The following EPHA6 variants were observed in gnomAD, a reference collection of about 807,000 sequenced individuals.
EPHA6 encodes ephrin type-A receptor 6.
In EPHA6, 50 loss-of-function variants were observed where a neutral mutation model predicts 112.0. That is an observed-to-expected ratio of 0.45 (90% CI 0.36 to 0.56). The LOEUF (loss-of-function observed/expected upper bound fraction) is 0.56. Among genes scored for constraint, EPHA6 ranks in the 20% least tolerant of loss-of-function variants. The pLI, the probability that EPHA6 is intolerant of heterozygous loss-of-function variation, is 0.00. For synonymous variants in EPHA6, 529 were observed against 490.7 expected, an observed-to-expected ratio of 1.08 and a Z score of -1.03; for missense variants, 1,280 against 1,417.4, an observed-to-expected ratio of 0.90 and a Z score of 1.56.
intron 5 of EPHA6, among the ~76,000 whole-genome samples, chr3:97,382,013 ATATT>A (rs1258666392): frequency 6.6e-6 from 1 of 152,084 alleles, no homozygotes; most frequent in African/African-American, 2.4e-5. Flanking sequence ...AACAAAGGTA[ATATT>A]TATTTACAAA....
chr3:97,123,153 TG>T (rs1192477160), intron 3 of EPHA6, among the ~76,000 whole-genome samples: 5 of 152,236 alleles, frequency 3.3e-5, no homozygotes, highest in African/African-American at 1.2e-4. Flanking sequence ...ACAATATTTT[TG>T]TCAGTTTAAA....
At chr3:97,005,418 G>A (rs2043840311) in intron 3 of EPHA6, among the ~76,000 whole-genome samples, 1 of 152,076 alleles carries the variant, frequency 6.6e-6, no homozygotes, top group South Asian at 2.1e-4. Flanking sequence ...CTCTCCGCTT[G>A]CCTATTGTTG....
intron 5 of EPHA6, among the ~76,000 whole-genome samples, chr3:97,333,278 A>G (rs1050703367): frequency 3.3e-5 from 5 of 152,000 alleles, no homozygotes; most frequent in Admixed American, 3.3e-4. Flanking sequence ...TATTGTTAGT[A>G]TGTAAATATG....
chr3:97,440,205 C>T (rs190888456), intron 6 of EPHA6, among the ~76,000 whole-genome samples: 1 of 152,184 alleles, frequency 6.6e-6, no homozygotes, highest in East Asian at 1.9e-4. Context: ...TTTAAGATGT[C>T]TAATTTCCTT....
At chr3:97,032,720 A>C (rs150608916) in intron 3 of EPHA6, among the ~76,000 whole-genome samples, 312 of 152,096 alleles carry the variant, frequency 2.1e-3, no homozygotes, top group Non-Finnish European at 3.2e-3. Flanking sequence ...GTACCACCCA[A>C]GGAGTTTACA....
At chr3:97,327,418 T>C (rs574023985) in intron 5 of EPHA6, among the ~76,000 whole-genome samples, 1 of 152,140 alleles carries the variant, frequency 6.6e-6, no homozygotes, top group South Asian at 2.1e-4. Context: ...AACCAGGACA[T>C]TGACATTGAT....
At chr3:97,419,762 C>G (rs1415922048) in intron 6 of EPHA6, among the ~76,000 whole-genome samples, 2 of 151,868 alleles carry the variant, frequency 1.3e-5, no homozygotes, top group Non-Finnish European at 2.9e-5. Flanking sequence ...AGAAAATCAA[C>G]AAAACCAAAA....
chr3:97,679,588 A>T (rs969488963), intron 14 of EPHA6, among the ~76,000 whole-genome samples: 1 of 152,206 alleles, frequency 6.6e-6, no homozygotes, highest in Non-Finnish European at 1.5e-5. Flanking sequence ...TGTTTAATTC[A>T]GTCCCTAGTC....
chr3:97,231,199 G>A (rs1464550543), intron 4 of EPHA6, among the ~76,000 whole-genome samples: 2 of 152,098 alleles, frequency 1.3e-5, no homozygotes, highest in East Asian at 3.9e-4. Context: ...GATCCAAAGA[G>A]AGAACCCCCA....
chr3:96,883,819 C>T (rs1243337945), intron 2 of EPHA6, among the ~76,000 whole-genome samples: 2 of 152,080 alleles, frequency 1.3e-5, no homozygotes, highest in Non-Finnish European at 2.9e-5. Flanking sequence ...AGGTACCCGC[C>T]ACCACACCTG....
intron 7 of EPHA6, among the ~76,000 whole-genome samples, chr3:97,463,141 T>G (rs147413781): frequency 1.3e-5 from 2 of 152,316 alleles, no homozygotes; most frequent in Non-Finnish European, 2.9e-5. Context: ...AGGGTACATG[T>G]GCACAACTTG....
chr3:96,821,845 A>G (rs547505351), intron 1 of EPHA6, among the ~76,000 whole-genome samples: 1 of 152,014 alleles, frequency 6.6e-6, no homozygotes, highest in African/African-American at 2.4e-5. Context: ...ATCAGGCATT[A>G]TGCTAAGTAT....
chr3:96,935,990 T>C (rs2040561944), intron 2 of EPHA6, among the ~76,000 whole-genome samples: 1 of 151,956 alleles, frequency 6.6e-6, no homozygotes, highest in African/African-American at 2.4e-5. Flanking sequence ...GAAAATTTGA[T>C]ATAGCTTTCC....
intron 4 of EPHA6, among the ~76,000 whole-genome samples, chr3:97,230,795 G>A (rs9826363): frequency 0.038 from 5,822 of 152,228 alleles, 363 homozygotes; most frequent in African/African-American, 0.13. Flanking sequence ...AGAGTTTTGG[G>A]TGGCGGAGCA....
chr3:97,359,884 A>G (rs2084282014), intron 5 of EPHA6, among the ~76,000 whole-genome samples: 1 of 152,124 alleles, frequency 6.6e-6, no homozygotes, highest in African/African-American at 2.4e-5. Flanking sequence ...ATGTGTGGTC[A>G]CTTTCTAATT....
At chr3:97,431,646 ACTC>A (rs2089514147) in intron 6 of EPHA6, among the ~76,000 whole-genome samples, 1 of 151,860 alleles carries the variant, frequency 6.6e-6, no homozygotes, top group Non-Finnish European at 1.5e-5. Flanking sequence ...AGCTATTACA[ACTC>A]CTGTTATCCA....
chr3:97,098,383 T>C (rs947099750), intron 3 of EPHA6, among the ~76,000 whole-genome samples: 1 of 151,940 alleles, frequency 6.6e-6, no homozygotes, highest in Non-Finnish European at 1.5e-5. Flanking sequence ...TAATTTAACT[T>C]TTGATATGTA....
intron 14 of EPHA6, among the ~76,000 whole-genome samples, chr3:97,683,977 T>C (rs1284380392): frequency 6.6e-6 from 1 of 152,118 alleles, no homozygotes; most frequent in Non-Finnish European, 1.5e-5. Flanking sequence ...AATATGGCTG[T>C]ATGGAATAGG....
chr3:97,276,394 C>T (rs767374262), intron 5 of EPHA6, among the ~76,000 whole-genome samples: 34 of 151,682 alleles, frequency 2.2e-4, no homozygotes, highest in Admixed American at 5.9e-4. Context: ...AGGAGGAATC[C>T]GGGGCTGTGG....
Sources: gnomAD v4.1 joint callset for allele counts (sites outside exome capture counted in the v4.1 genomes callset) on GRCh38, gnomAD v4.1.1 for gene constraint, MANE v1.5 for transcripts, NCBI Gene and HGNC (gene_info 2026-07-23, HGNC 2026-07-21) for gene names.